PPP2R2C: variants seen among roughly 807,000 people sequenced by gnomAD.
PPP2R2C encodes the protein protein phosphatase 2 regulatory subunit Bgamma.
In PPP2R2C, 10 loss-of-function variants were observed where a neutral mutation model predicts 45.3. That is an observed-to-expected ratio of 0.22 (90% CI 0.14 to 0.37). PPP2R2C has a LOEUF of 0.37. Ranked by LOEUF, PPP2R2C falls within the 10% of genes least tolerant of loss-of-function variation. The pLI, the probability that PPP2R2C is intolerant of heterozygous loss-of-function variation, is 1.00. For missense variants in PPP2R2C, 308 were observed against 619.7 expected, an observed-to-expected ratio of 0.50 and a Z score of 5.34; for synonymous variants, 257 against 245.4, an observed-to-expected ratio of 1.05 and a Z score of -0.44.
At chr4:6,473,787 A>T (rs1402058447), upstream of PPP2R2C, among the ~76,000 whole-genome samples, 1 of 152,220 alleles carries the variant, frequency 6.6e-6, no homozygotes, top group Non-Finnish European at 1.5e-5. Context: ...AGGGAAGGTG[A>T]TGCCGTCTCA....
chr4:6,325,942 C>A (rs4689402), intron 8 of PPP2R2C, among the ~76,000 whole-genome samples: 104,492 of 152,168 alleles, frequency 0.69, 36,822 homozygotes, highest in East Asian at 1. Flanking sequence ...TGGGAGGCTG[C>A]GGCAGGAGAA....
chr4:6,345,189 C>G lies in PPP2R2C; in HGVS notation c.790+2657G>C, dbSNP rs529085736. Among the ~76,000 whole-genome samples the G allele has an allele frequency of 1.3e-5, 2 of 152,300 alleles. No homozygotes were observed. Among genetic ancestry groups the G allele is most frequent in the African/African-American group, 2.4e-5 (1 of 41,562 alleles). On this transcript the variant is annotated intron_variant, in intron 6 of 8. Coordinates refer to ENST00000382599, the MANE Select transcript of PPP2R2C (RefSeq NM_020416.4). The surrounding 1 kb of genome is among the most constrained non-coding windows in gnomAD (Gnocchi z 5.3). Reference sequence around the variant, plus strand: ...GGCTCACACGGGGTCAGCAGCGGACCAGGAGCAGGAAGAACCCCCTCTCTT... The same window carrying G: ...GGCTCACACGGGGTCAGCAGCGGACGAGGAGCAGGAAGAACCCCCTCTCTT...
chr4:6,476,666 A>T (rs1722154831), upstream of PPP2R2C, among the ~76,000 whole-genome samples: 4 of 152,094 alleles, frequency 2.6e-5, no homozygotes, highest in South Asian at 8.3e-4. Flanking sequence ...CTAAGACACC[A>T]CCCCAAAGAT....
intron 1 of PPP2R2C, among the ~76,000 whole-genome samples, chr4:6,412,412 A>G (rs2109371440): frequency 6.6e-6 from 1 of 152,162 alleles, no homozygotes; most frequent in East Asian, 1.9e-4. Flanking sequence ...TGGAAGGGAA[A>G]GCTGCCTGCC....
At chr4:6,525,173 G>A (rs1387896311) in intron 2 of PPP2R2C, among the ~76,000 whole-genome samples, 6 of 152,226 alleles carry the variant, frequency 3.9e-5, no homozygotes, top group African/African-American at 1.4e-4. Flanking sequence ...GGGAGGCCGA[G>A]ATGGTTGGAT....
At chr4:6,548,390 C>T (rs1263476015) in intron 1 of PPP2R2C, among the ~76,000 whole-genome samples, 1 of 152,198 alleles carries the variant, frequency 6.6e-6, no homozygotes, top group African/African-American at 2.4e-5. Context: ...CTCACAGCCA[C>T]CAGCCGGCAC....
chr4:6,402,173 C>T (rs1211875635), intron 1 of PPP2R2C, among the ~76,000 whole-genome samples: 1 of 152,292 alleles, frequency 6.6e-6, no homozygotes, highest in South Asian at 2.1e-4. Flanking sequence ...CTTCAAGTTT[C>T]GAAGGCAAAG....
rs557963281 is a variant in PPP2R2C at position 6,492,140 on chromosome 4, G to C, written c.49+43131C>G. ...ACACAATTCCAGGCCCTGACAGTGG[G>C]CCCTGGGGCTTAAACTCCATGGGAC... On this transcript the variant is annotated intron_variant, in intron 2 of 9. Coordinates refer to the PPP2R2C transcript ENST00000506140. Among the ~76,000 whole-genome samples the C allele has an allele frequency of 3.3e-5, 5 of 152,310 alleles. 1 individual carries two copies. In the South Asian group the frequency reaches 1.0e-3, roughly 32 times the overall value.
intron 1 of PPP2R2C, chr4:6,383,914 A>G (rs559719741): frequency 5.1e-6 from 5 of 986,850 alleles, no homozygotes; most frequent in South Asian, 9.4e-5. Flanking sequence ...CCATGAGTCA[A>G]TGCCAGCTTT....
chr4:6,563,699 G>T (rs1460354061), upstream of PPP2R2C: 1 of 146,054 alleles, frequency 6.8e-6, no homozygotes, highest in African/African-American at 2.5e-5. The surrounding 1 kb of genome is among the most constrained non-coding windows in gnomAD (Gnocchi z 5.8). Flanking sequence ...GGCCCGGGGC[G>T]GGGGGCGGGG....
At chr4:6,523,741 A>C (rs1211967959) in intron 2 of PPP2R2C, among the ~76,000 whole-genome samples, 2 of 152,212 alleles carry the variant, frequency 1.3e-5, no homozygotes, top group African/African-American at 2.4e-5. Flanking sequence ...CTGAAAACAC[A>C]CATCCACATG....
intron 5 of PPP2R2C, among the ~76,000 whole-genome samples, chr4:6,372,168 G>A (rs1278930356): frequency 1.3e-5 from 2 of 152,184 alleles, no homozygotes; most frequent in African/African-American, 2.4e-5. Context: ...GCCCCGAGGC[G>A]CCTTCAGTGG....
chr4:6,423,267 A>C (rs1040801384), intron 1 of PPP2R2C, among the ~76,000 whole-genome samples: 2 of 152,174 alleles, frequency 1.3e-5, no homozygotes, highest in East Asian at 1.9e-4. Context: ...GCAGTGGTGC[A>C]ATCTCGGCTC....
rs373561621 is a variant in PPP2R2C, at chr4:6,345,790, A to G, written c.790+2056T>C. On this transcript the variant is annotated intron_variant, in intron 6 of 8. Coordinates refer to ENST00000382599, the MANE Select transcript of PPP2R2C (RefSeq NM_020416.4). The surrounding 1 kb of genome is among the most constrained non-coding windows in gnomAD (Gnocchi z 5.3). ...AGTGTGTGGTCCTTTGTTGTGGCGC[A>G]CAGGACGCAGCCCCGAGCCCCCTGC... is the stretch of plus-strand genomic sequence containing the variant. 9.2e-5 allele frequency among the ~76,000 whole-genome samples: 14 copies of G among 152,196 alleles called. No individual in the cohort carries two copies. The South Asian group carries it at 2.9e-3, about 32-fold the overall frequency.
chr4:6,481,791 C>G (rs189828866), intron 2 of PPP2R2C, among the ~76,000 whole-genome samples: 1 of 151,906 alleles, frequency 6.6e-6, no homozygotes, highest in East Asian at 1.9e-4. Flanking sequence ...CAAGCCTGGT[C>G]AACATGATGA....
intron 1 of PPP2R2C, among the ~76,000 whole-genome samples, chr4:6,428,262 C>T (rs1295553680): frequency 6.6e-6 from 1 of 152,210 alleles, no homozygotes; most frequent in Non-Finnish European, 1.5e-5. Context: ...CCTCCAGGTT[C>T]CCGTCAACAT....
rs373052688 is a variant in PPP2R2C, at chr4:6,366,218, A to C, written c.625+6305T>G. Among the ~76,000 whole-genome samples the C allele has an allele frequency of 2.4e-4, 36 of 152,308 alleles. 1 individual carries two copies. In the East Asian group the frequency reaches 3.5e-3, roughly 15 times the overall value. On this transcript the variant is annotated intron_variant, in intron 5 of 8. Coordinates refer to ENST00000382599, the MANE Select transcript of PPP2R2C (RefSeq NM_020416.4). ...CCTTACAAATATCCTTATAAAAGGG[A>C]ATTTTCTGATTTTATATTCAGGGAA... is the stretch of plus-strand genomic sequence containing the variant.
intron 4 of PPP2R2C, among the ~76,000 whole-genome samples, chr4:6,372,997 C>T (rs57305932): frequency 0.018 from 2,709 of 152,336 alleles, 82 homozygotes; most frequent in African/African-American, 0.06. Context: ...CAGAGCCAGC[C>T]AATTGTCTGC....
intron 2 of PPP2R2C, among the ~76,000 whole-genome samples, chr4:6,513,091 G>A (rs1158365865): frequency 6.6e-6 from 1 of 152,124 alleles, no homozygotes; most frequent in Non-Finnish European, 1.5e-5. Context: ...AGGATAATTT[G>A]ATTATATCAT....
Sources: allele counts gnomAD v4.1 joint callset (sites outside exome capture counted in the v4.1 genomes callset), GRCh38; gene constraint gnomAD v4.1.1; non-coding constraint Gnocchi (gnomAD v3.1); transcripts MANE v1.5; gene names NCBI Gene and HGNC (gene_info 2026-07-23, HGNC 2026-07-21).